CDH12: variants seen among roughly 807,000 people sequenced by gnomAD.
The protein encoded by CDH12 is cadherin 12.
In CDH12, 41 loss-of-function variants were observed where a neutral mutation model predicts 74.1. The observed-to-expected ratio is 0.55, with a 90% CI of 0.43 to 0.72. CDH12 has a LOEUF of 0.72. CDH12 is among the 30% of genes least tolerant of loss of function. The pLI is 0.00. For missense variants in CDH12, 945 were observed against 977.2 expected (o/e 0.97, Z 0.44); for synonymous variants, 399 against 355.0 (o/e 1.12, Z -1.39).
chr5:22,336,887 A>G (rs1739609325), intron 3 of CDH12, among the ~76,000 whole-genome samples: 1 of 152,156 alleles, frequency 6.6e-6, no homozygotes, highest in African/African-American at 2.4e-5. Context: ...ATAATGGTAG[A>G]TCCATTGACA....
intron 2 of CDH12, among the ~76,000 whole-genome samples, chr5:22,485,526 TTTTCCCCTGGCCAACATAAAGTTAAATCA>T (rs1746556827): frequency 6.6e-6 from 1 of 152,302 alleles, no homozygotes; most frequent in East Asian, 1.9e-4. Flanking sequence ...TCTTATGCTT[TTTTCCCCTGGCCAACATAAAGTTAAATCA>T]TTTGGATTTT....
At chr5:22,656,895 G>A (rs1274617444) in intron 1 of CDH12, among the ~76,000 whole-genome samples, 1 of 152,032 alleles carries the variant, frequency 6.6e-6, no homozygotes, top group East Asian at 1.9e-4. Flanking sequence ...TGGAGTGTGT[G>A]ACACGAACAC....
At chr5:22,755,567 GA>G in intron 1 of CDH12, among the ~76,000 whole-genome samples, 1 of 151,990 alleles carries the variant, frequency 6.6e-6, no homozygotes, top group East Asian at 1.9e-4. Context: ...AGTGTATGAA[GA>G]AAAATAAAGC....
At chr5:22,500,294 T>C (rs1747280210) in intron 2 of CDH12, among the ~76,000 whole-genome samples, 1 of 152,202 alleles carries the variant, frequency 6.6e-6, no homozygotes, top group South Asian at 2.1e-4. Flanking sequence ...CTAAATGTTA[T>C]AGGAGAGAGC....
At chr5:22,220,326 A>G (rs1162789476) in intron 3 of CDH12, among the ~76,000 whole-genome samples, 1 of 151,738 alleles carries the variant, frequency 6.6e-6, no homozygotes, top group East Asian at 1.9e-4. Context: ...GATACTGAAA[A>G]CACTAATGCA....
chr5:22,321,156 A>C (rs1392890097), intron 3 of CDH12, among the ~76,000 whole-genome samples: 3 of 152,168 alleles, frequency 2.0e-5, no homozygotes, highest in Non-Finnish European at 4.4e-5. Context: ...ATTTAATACC[A>C]AAGGCTATAA....
intron 3 of CDH12, among the ~76,000 whole-genome samples, chr5:22,312,897 C>T (rs1282309495): frequency 6.6e-6 from 1 of 152,302 alleles, no homozygotes; most frequent in Non-Finnish European, 1.5e-5. Flanking sequence ...TCAAATGCCT[C>T]AGAGATGGCT....
At chr5:22,316,770 T>TA (rs1738649866) in intron 3 of CDH12, among the ~76,000 whole-genome samples, 1 of 152,124 alleles carries the variant, frequency 6.6e-6, no homozygotes, top group Non-Finnish European at 1.5e-5. Flanking sequence ...AAAAGGTCTA[T>TA]AATGAGGTTA....
chr5:22,145,324 T>A (rs1580319181), intron 4 of CDH12, among the ~76,000 whole-genome samples: 2 of 152,086 alleles, frequency 1.3e-5, no homozygotes, highest in African/African-American at 4.8e-5. Context: ...GGATCTAGGA[T>A]TCTATCACAT....
chr5:22,176,713 C>A (rs916983210), intron 4 of CDH12, among the ~76,000 whole-genome samples: 4 of 152,138 alleles, frequency 2.6e-5, no homozygotes, highest in African/African-American at 9.7e-5. Flanking sequence ...ACCAGTCAAA[C>A]CAGATCTCTT....
intron 1 of CDH12, among the ~76,000 whole-genome samples, chr5:22,833,724 T>A (rs1387114872): frequency 3.9e-5 from 6 of 152,312 alleles, no homozygotes; most frequent in East Asian, 3.9e-4. Context: ...GCAAGTTTTT[T>A]AAAATAATAA....
intron 1 of CDH12, among the ~76,000 whole-genome samples, chr5:22,705,165 T>G (rs1580907219): frequency 2.2e-5 from 2 of 89,982 alleles, no homozygotes; most frequent in Non-Finnish European, 4.7e-5. Context: ...ACACACACAG[T>G]GTAGAGATAC....
At chr5:22,285,677 T>C (rs1192347555) in intron 3 of CDH12, among the ~76,000 whole-genome samples, 1 of 152,178 alleles carries the variant, frequency 6.6e-6, no homozygotes, top group Non-Finnish European at 1.5e-5. Context: ...AATCTGGTTT[T>C]AGAAATTTTA....
intron 8 of CDH12, among the ~76,000 whole-genome samples, chr5:21,832,069 C>A (rs920452803): frequency 1.3e-5 from 2 of 152,034 alleles, no homozygotes; most frequent in African/African-American, 4.8e-5. Context: ...AATATCACTT[C>A]AATTTTAAGC....
intron 1 of CDH12, among the ~76,000 whole-genome samples, chr5:22,658,004 G>T (rs1740142220): frequency 6.6e-6 from 1 of 152,154 alleles, no homozygotes; most frequent in African/African-American, 2.4e-5. Context: ...CAAAGATGCG[G>T]CTTCATTAAA....
chr5:21,757,009 G>C (rs751318698), intron 13 of CDH12, among the ~76,000 whole-genome samples: 170 of 152,046 alleles, frequency 1.1e-3, no homozygotes, highest in Non-Finnish European at 1.9e-3. Context: ...ACTTGAGTCC[G>C]CGGAAAAGGA....
chr5:22,646,937 A>G (rs1308053946), intron 1 of CDH12, among the ~76,000 whole-genome samples: 2 of 151,948 alleles, frequency 1.3e-5, no homozygotes, highest in Non-Finnish European at 2.9e-5. Context: ...ATAAGTGATC[A>G]CTTAGAAGTA....
intron 4 of CDH12, among the ~76,000 whole-genome samples, chr5:22,153,872 G>GTGTA (rs1554015720): frequency 1.6e-5 from 2 of 123,488 alleles, no homozygotes; most frequent in African/African-American, 6.8e-5. Context: ...ATATATATAT[G>GTGTA]TATATATATA....
chr5:22,390,975 G>T (rs1410302472), intron 3 of CDH12, among the ~76,000 whole-genome samples: 3 of 152,132 alleles, frequency 2.0e-5, no homozygotes, highest in African/African-American at 7.2e-5. Context: ...GATCTGCTTT[G>T]GTTGGGATGA....
Sources: gnomAD v4.1 joint callset for allele counts (sites outside exome capture counted in the v4.1 genomes callset) on GRCh38, gnomAD v4.1.1 for gene constraint, MANE v1.5 for transcripts, NCBI Gene and HGNC (gene_info 2026-07-23, HGNC 2026-07-21) for gene names.